The following PHC3 variants were observed in gnomAD, a reference collection of about 807,000 sequenced individuals.
PHC3 encodes the protein polyhomeotic-like protein 3.
PHC3 carries 13 observed loss-of-function variants against 107.4 expected under a neutral mutation model. The ratio of observed to expected loss-of-function variants is 0.12; its 90% CI spans 0.08 to 0.19. The LOEUF (loss-of-function observed/expected upper bound fraction) is 0.19. PHC3 is among the 10% of genes least tolerant of loss of function. The pLI, the probability that PHC3 is intolerant of heterozygous loss-of-function variation, is 1.00. For synonymous variants in PHC3, 456 were observed against 427.4 expected (o/e 1.07, Z -0.83); for missense variants, 992 against 1,210.9 (o/e 0.82, Z 2.68).
chr3:170,088,049 G>C lies in PHC3; in HGVS notation c.*9181C>G, dbSNP rs1363126977. Reference sequence around the variant, plus strand: ...AACTGTAGCTATCAACACCAATCTAGGAACTCTAATGCTAAGAGTGCTAAA... The same window carrying C: ...AACTGTAGCTATCAACACCAATCTACGAACTCTAATGCTAAGAGTGCTAAA... On this transcript the variant is annotated 3_prime_UTR_variant, in exon 15 of 15. Transcript: ENST00000495893. 1 of 152,050 alleles carries C rather than the reference G, an allele frequency of 6.6e-6. No individual in the cohort carries two copies. The highest frequency in any genetic ancestry group is 1.5e-5 in the Non-Finnish European group (1 of 68,010). 9.4% of individuals were successfully genotyped at this position (152,050 alleles called of 1,614,324 possible).
Position 170,175,479 on chromosome 3 carries a change from TAAAA to T in PHC3, c.181-2771_181-2768del, listed in dbSNP as rs1730279625. 2.6e-5 allele frequency among the ~76,000 whole-genome samples: 4 copies of T among 151,610 alleles called. No individual in the cohort carries two copies. The South Asian group carries it at 8.3e-4, about 32-fold the overall frequency. The stretch of plus-strand genomic sequence containing the variant: ...ATAGTGAGATCCTGTCTCTACAAAA[TAAAA>T]AAATTAGCCAAGCATAGTCACATGT... On this transcript the variant is annotated intron_variant, in intron 2 of 14. Transcript: ENST00000495893.
chr3:170,161,474 A>T (rs1727876760), intron 4 of PHC3, among the ~76,000 whole-genome samples: 1 of 152,196 alleles, frequency 6.6e-6, no homozygotes, highest in Admixed American at 6.5e-5. Context: ...ATCATCAGGC[A>T]TTAGATTCTC....
At chr3:170,173,205 A>C (rs972719823) in intron 2 of PHC3, among the ~76,000 whole-genome samples, 2 of 152,018 alleles carry the variant, frequency 1.3e-5, no homozygotes, top group Non-Finnish European at 2.9e-5. Context: ...AAAAAAAAAA[A>C]ACAAAACAAA....
chr3:170,099,358 G>A (rs1401845464), intron 14 of PHC3, among the ~76,000 whole-genome samples: 1 of 152,038 alleles, frequency 6.6e-6, no homozygotes, highest in Non-Finnish European at 1.5e-5. Flanking sequence ...AAAAAGTATA[G>A]TTACATCAGT....
chr3:170,160,027 A>C (rs1225625450), intron 4 of PHC3, among the ~76,000 whole-genome samples: 3 of 152,190 alleles, frequency 2.0e-5, no homozygotes, highest in African/African-American at 7.2e-5. Context: ...AATTCTTATC[A>C]TACTGTCCTT....
At chr3:170,119,454 A>AG (rs1719761046) in intron 9 of PHC3, among the ~76,000 whole-genome samples, 1 of 152,234 alleles carries the variant, frequency 6.6e-6, no homozygotes, top group South Asian at 2.1e-4. Context: ...TGCCAAACTT[A>AG]TAGTCCTAAA....
intron 11 of PHC3, 77 bp from the exon 12 acceptor site, chr3:170,107,023 G>T: frequency 1.0e-6 from 1 of 968,934 alleles, no homozygotes; most frequent in Non-Finnish European, 1.5e-6. Context: ...CTATACTTTG[G>T]TTGGATACTG....
At chr3:170,163,785 T>A (rs920890307) in intron 4 of PHC3, among the ~76,000 whole-genome samples, 9 of 147,226 alleles carry the variant, frequency 6.1e-5, no homozygotes, top group African/African-American at 1.8e-4. Context: ...ATCTCTTGAA[T>A]CTGGGAGGTG....
In PHC3 at chr3:170,129,254, C is replaced by T; in HGVS notation, c.1218G>A (p.Gln406=). The change falls in exon 8 of 15, where the codon CAG becomes CAA. Residue 406 remains glutamine (Q), a synonymous_variant. Coordinates refer to ENST00000495893, the MANE Select transcript of PHC3 (RefSeq NM_024947.4). ...VSPNQSQSAQ[Q]SVVVSPPPPH... ...GTGGTGGAGGAGACACCACTACAGA[C>T]TGCTGTGCTGACTGTGACTGATTAG... is the stretch of plus-strand genomic sequence containing the variant. 1 of 1,613,828 alleles carries T rather than the reference C, an allele frequency of 6.2e-7. No homozygotes were observed. Among genetic ancestry groups the T allele is most frequent in the East Asian group, 2.2e-5 (1 of 44,886 alleles).
At chr3:170,145,993 T>C (rs771812139) in intron 5 of PHC3, among the ~76,000 whole-genome samples, 1 of 152,162 alleles carries the variant, frequency 6.6e-6, no homozygotes, top group African/African-American at 2.4e-5. Flanking sequence ...CTATGCCACA[T>C]ACTACACTCC....
At chr3:170,110,793 A>G (rs1051250253) in intron 11 of PHC3, among the ~76,000 whole-genome samples, 6 of 152,186 alleles carry the variant, frequency 3.9e-5, no homozygotes, top group African/African-American at 9.7e-5. Context: ...GGATCACACT[A>G]TATGTTGTAA....
At position 170,089,929 on chromosome 3, in the gene PHC3, G is replaced by GAAAAAAAA; in HGVS notation, c.*7293_*7300dup. ...GAACCCATCTCAAAAAAAAAAAAAA[G>GAAAAAAAA]AAAAAAAAAAAAAAAGAAAGAAAGT... On this transcript the variant is annotated 3_prime_UTR_variant, in exon 15 of 15. Transcript: ENST00000495893. 1 of 100,690 alleles carries GAAAAAAAA rather than the reference G, an allele frequency of 9.9e-6. No homozygotes were observed. 6.2% of individuals were successfully genotyped at this position (100,690 alleles called of 1,614,324 possible).
rs116986903 is a variant in PHC3, at chr3:170,174,958, A to G, written c.181-2246T>C. Among the ~76,000 whole-genome samples, 14 of 152,366 alleles carry G rather than the reference A, an allele frequency of 9.2e-5. No individual in the cohort carries two copies. The East Asian group carries it at 2.7e-3, about 29-fold the overall frequency. ...AAAAAAATTCTAAAATCAAACTGAA[A>G]TAACAATCTATTTGACACATACTTT... On this transcript the variant is annotated intron_variant, in intron 2 of 14. Coordinates refer to ENST00000495893, the MANE Select transcript of PHC3 (RefSeq NM_024947.4).
Position 170,178,932 on chromosome 3 carries a change from C to T in PHC3, c.21G>A (p.Lys7=), listed in dbSNP as rs941817296. MAEAEF[K]DHSTAMDTEP... ...CAGTATCCATAGCTGTACTATGGTC[C>T]TTAAATCTGGCAGGTCACACAAAGT... Residue 7 remains lysine, a synonymous_variant, in exon 2 of 15, where the codon AAG becomes AAA. Transcript: ENST00000495893. The T allele has an allele frequency of 6.2e-7, 1 of 1,610,820 alleles. No homozygotes were observed. Among genetic ancestry groups the T allele is most frequent in the Non-Finnish European group, 8.5e-7 (1 of 1,178,028 alleles).
chr3:170,166,377 C>T (rs1728748244), intron 4 of PHC3, among the ~76,000 whole-genome samples: 1 of 152,090 alleles, frequency 6.6e-6, no homozygotes, highest in South Asian at 2.1e-4. Flanking sequence ...AATAGAATAA[C>T]CAAAATAAAT....
In PHC3 at chr3:170,091,939, CA is replaced by C. The variant is rs1216655741; in HGVS notation, c.*5290del. 6.6e-6 allele frequency: 1 copy of C among 152,096 alleles called. No homozygotes were observed. Among genetic ancestry groups the C allele is most frequent in the South Asian group, 2.1e-4 (1 of 4,820 alleles). The allele number at this position is 152,096 out of a possible 1,614,324, so 9.4% of individuals were successfully genotyped here. A position where few individuals can be genotyped will look rare whatever the true frequency, so the allele number is the denominator to read the frequency against. ...AGAAAGCTTATATAACTACTGTGAA[CA>C]AAACTATATGATACATTTTATGAAC... On this transcript the variant is annotated 3_prime_UTR_variant, in exon 15 of 15. Coordinates refer to ENST00000495893, the MANE Select transcript of PHC3 (RefSeq NM_024947.4).
chr3:170,099,298 G>A (rs1010439081), intron 14 of PHC3, among the ~76,000 whole-genome samples: 4 of 151,972 alleles, frequency 2.6e-5, no homozygotes, highest in African/African-American at 4.8e-5. Flanking sequence ...GAATTAGCAC[G>A]ATCAAATAGG....
intron 10 of PHC3, 74 bp downstream of exon 10, chr3:170,117,152 G>T (rs1166261218): frequency 6.4e-7 from 1 of 1,553,912 alleles, no homozygotes; most frequent in Non-Finnish European, 8.8e-7. Context: ...TTTTATTAGA[G>T]AACAGTAATA....
intron 4 of PHC3, among the ~76,000 whole-genome samples, chr3:170,152,905 C>T (rs568258245): frequency 6.6e-6 from 1 of 152,010 alleles, no homozygotes; most frequent in South Asian, 2.1e-4. Context: ...CAAGCGATAC[C>T]CCCACCTCAG....
Sources: allele counts gnomAD v4.1 joint callset (sites outside exome capture counted in the v4.1 genomes callset), GRCh38; gene constraint gnomAD v4.1.1; transcripts MANE v1.5; gene names NCBI Gene and HGNC (gene_info 2026-07-23, HGNC 2026-07-21).